KNDC1: variants seen among roughly 807,000 people sequenced by gnomAD.
KNDC1 encodes kinase non-catalytic C-lobe domain-containing protein 1.
KNDC1 carries 106 observed loss-of-function variants against 172.8 expected under a neutral mutation model. The observed-to-expected ratio is 0.61, with a 90% CI of 0.52 to 0.72. The LOEUF is 0.72. Ranked by LOEUF, KNDC1 falls within the 30% of genes least tolerant of loss-of-function variation. The pLI is 0.00. For synonymous variants in KNDC1, 1,083 were observed against 1,062.2 expected, an observed-to-expected ratio of 1.02 and a Z score of -0.38; for missense variants, 2,325 against 2,394.5, an observed-to-expected ratio of 0.97 and a Z score of 0.61.
chr10:133,219,373 G>A (rs1391589744), intron 28 of KNDC1, among the ~76,000 whole-genome samples: 1 of 152,242 alleles, frequency 6.6e-6, no homozygotes, highest in Non-Finnish European at 1.5e-5. Flanking sequence ...TGTGGCTGGG[G>A]CCTGAGCTTG....
chr10:133,167,520 C>T lies in KNDC1; in HGVS notation c.242C>T (p.Thr81Met), dbSNP rs747744251. The T allele has an allele frequency of 3.7e-6, 6 of 1,604,610 alleles. No individual in the cohort carries two copies. The highest frequency in any genetic ancestry group is 4.3e-6 in the Non-Finnish European group (5 of 1,176,200). ...GCCATCTTCCAGAGCCTGTGCATCA[C>T]GCCCGACACCCTGGCCTTCAACACC... is the stretch of plus-strand genomic sequence containing the variant. The part of the protein sequence containing the change: ...HAAIFQSLCI[T>M]PDTLAFNTSG... The change falls in exon 2 of 30, where the codon ACG (threonine) becomes ATG (methionine). Residue 81 changes from threonine (T) to methionine (M), a missense_variant. Thr to Met is a moderately conservative substitution (Grantham distance 81, BLOSUM62 -1). Transcript: ENST00000304613.
chr10:133,204,237 G>A (rs771846846), intron 17 of KNDC1, among the ~76,000 whole-genome samples: 1 of 152,190 alleles, frequency 6.6e-6, no homozygotes, highest in Non-Finnish European at 1.5e-5. Flanking sequence ...TGCCCAGCCC[G>A]GTAGGTCCTT....
rs11101634 is a variant in KNDC1 at position 133,201,697 on chromosome 10, C to T, written c.3186C>T (p.Asp1062=). 1.8e-4 allele frequency: 284 copies of T among 1,611,554 alleles called. No homozygotes were observed. In the African/African-American group the frequency reaches 3.5e-3, roughly 20 times the overall value. Reference sequence around the variant, plus strand: ...GACGGCCAGCTGGCGGGGCCTCAGACGTGGAGGCAGTGACCCGACTGGCCA... The same window carrying T: ...GACGGCCAGCTGGCGGGGCCTCAGATGTGGAGGCAGTGACCCGACTGGCCA... ...EDRRPAGGAS[D]VEAVTRLARS... is the part of the protein sequence containing the mutation. The change falls in exon 17 of 30, where the codon GAC becomes GAT. Residue 1062 remains aspartate (D), a synonymous_variant. Transcript: ENST00000304613.
intron 20 of KNDC1, 40 bp downstream of exon 20, chr10:133,207,391 G>A: frequency 6.3e-7 from 1 of 1,583,502 alleles, no homozygotes; most frequent in Non-Finnish European, 8.7e-7. Flanking sequence ...AGGAGACGTA[G>A]CCCGGGGTGC....
At chr10:133,205,407 C>T (rs1169228279) in intron 17 of KNDC1, among the ~76,000 whole-genome samples, 3 of 152,250 alleles carry the variant, frequency 2.0e-5, no homozygotes, top group East Asian at 1.9e-4. Context: ...TCCCTCATGG[C>T]GACAGCCCTG....
At chr10:133,208,619 CT>C (rs946008176) in intron 20 of KNDC1, among the ~76,000 whole-genome samples, 1 of 152,174 alleles carries the variant, frequency 6.6e-6, no homozygotes, top group African/African-American at 2.4e-5. Context: ...TGAGCTGCCC[CT>C]GGTCACATGG....
At position 133,224,862 on chromosome 10, in the gene KNDC1, T is replaced by A; in HGVS notation, c.5222T>A (p.Leu1741Gln). The A allele has an allele frequency of 1.2e-6, 2 of 1,613,842 alleles. No individual in the cohort carries two copies. The highest frequency in any genetic ancestry group is 1.7e-6 in the Non-Finnish European group (2 of 1,179,960). ...CACTCACGGAAGATTCAGGACAAGCTACGGAGGATGAAGGCTACATTCCAG... is the reference window on the plus strand; with the variant it reads ...CACTCACGGAAGATTCAGGACAAGCAACGGAGGATGAAGGCTACATTCCAG... ...EKHSRKIQDK[L>Q]RRMKATFQ is the part of the protein sequence containing the mutation. Residue 1741 changes from leucine (L) to glutamine (Q), a missense_variant, in exon 30 of 30, where the codon CTA (leucine) becomes CAA (glutamine). By Grantham distance (113) the Leu-to-Gln change is moderately radical (BLOSUM62 -2). Transcript: ENST00000304613. The surrounding 1 kb of genome is among the most constrained non-coding windows in gnomAD (Gnocchi z 5.4).
At position 133,170,306 on chromosome 10, in the gene KNDC1, G is replaced by A. The variant is rs181835385; in HGVS notation, c.360+1994G>A. Among the ~76,000 whole-genome samples the A allele has an allele frequency of 1.1e-3, 174 of 152,294 alleles. 1 individual carries two copies. Among genetic ancestry groups the A allele is most frequent in the African/African-American group, 3.6e-3 (150 of 41,568 alleles). ...CCCCCAACTGCAGGCCCGAGAACAC[G>A]GTGTGAGGATCGCTGGCTCCTGCAG... On this transcript the variant is annotated intron_variant, in intron 3 of 29. Coordinates refer to ENST00000304613, the MANE Select transcript of KNDC1 (RefSeq NM_152643.8).
At chr10:133,180,352 G>T (rs1853680166) in intron 3 of KNDC1, among the ~76,000 whole-genome samples, 2 of 152,196 alleles carry the variant, frequency 1.3e-5, no homozygotes, top group Non-Finnish European at 2.9e-5. Flanking sequence ...GCGTCCTCTG[G>T]GCTCCAAGGG....
chr10:133,220,049 T>G lies in KNDC1; in HGVS notation c.4955T>G (p.Ile1652Ser). The G allele has an allele frequency of 1.3e-6, 2 of 1,561,890 alleles. No homozygotes were observed. Among genetic ancestry groups the G allele is most frequent in the Non-Finnish European group, 1.7e-6 (2 of 1,153,092 alleles). Reference sequence around the variant, plus strand: ...TCGGCCCACCTCCTGGCCATGCACATCCAGCAGCTGGAGACAGGCGGCTTC... The same window carrying G: ...TCGGCCCACCTCCTGGCCATGCACAGCCAGCAGCTGGAGACAGGCGGCTTC... ...LPSAHLLAMH[I>S]QQLETGGFTM... The change falls in exon 29 of 30, where the codon ATC becomes AGC. Residue 1652 changes from isoleucine (I) to serine (S), a missense_variant. By Grantham distance (142) the Ile-to-Ser change is moderately radical. Coordinates refer to ENST00000304613, the MANE Select transcript of KNDC1 (RefSeq NM_152643.8).
chr10:133,214,819 C>T (rs1845442411), intron 26 of KNDC1, among the ~76,000 whole-genome samples: 1 of 152,236 alleles, frequency 6.6e-6, no homozygotes, highest in Admixed American at 6.5e-5. Context: ...TGACCTGCCC[C>T]ACCTGCTGTC....
chr10:133,198,751 C>T lies in KNDC1; in HGVS notation c.2243C>T (p.Ala748Val), dbSNP rs201175094. Residue 748 changes from alanine (A) to valine (V), a missense_variant, in exon 14 of 30, where the codon GCG becomes GTG. By Grantham distance (64) the Ala-to-Val change is moderately conservative (BLOSUM62 0). Transcript: ENST00000304613. ...GGAGCAGCCCCAGAGCCTCTTGGGG[C>T]GTCAGTGCAGCGTGACTCAGCCCAG... ...PQGAAPEPLG[A>V]SVQRDSAQGR... 31 of 1,581,936 alleles carry T rather than the reference C, an allele frequency of 2.0e-5. No individual in the cohort carries two copies. In the Admixed American group the frequency reaches 3.8e-4, roughly 19 times the overall value.
At chr10:133,184,084 A>G (rs1853807862) in intron 5 of KNDC1, 95 bp downstream of exon 5, 1 of 665,774 alleles carries the variant, frequency 1.5e-6, no homozygotes. Context: ...ACCCATGCAC[A>G]CACACACACT....
At chr10:133,219,691 G>A (rs932912810) in intron 28 of KNDC1, among the ~76,000 whole-genome samples, 1 of 152,256 alleles carries the variant, frequency 6.6e-6, no homozygotes, top group African/African-American at 2.4e-5. Flanking sequence ...AGCAAGGAAA[G>A]GGACTCACCA....
In KNDC1 at chr10:133,210,712, GCA is replaced by G; in HGVS notation, c.3898_3899del (p.Thr1300AlafsTer102). The G allele has an allele frequency of 6.2e-7, 1 of 1,612,976 alleles. No homozygotes were observed. Among genetic ancestry groups the G allele is most frequent in the Non-Finnish European group, 8.5e-7 (1 of 1,178,908 alleles). On this transcript the variant is annotated frameshift_variant, in exon 21 of 30. Transcript: ENST00000304613. LOFTEE classifies it high-confidence loss of function. ...CACTTCCTCCTCGACCGCATCAACA[GCA>G]CGCTGACCAGGTACCAAGCTCCACA...
intron 3 of KNDC1, among the ~76,000 whole-genome samples, chr10:133,176,081 G>C (rs899306532): frequency 1.3e-5 from 2 of 151,872 alleles, no homozygotes; most frequent in African/African-American, 4.8e-5. Flanking sequence ...TGGATGGATG[G>C]ATGGGTGGAT....
intron 17 of KNDC1, among the ~76,000 whole-genome samples, chr10:133,204,619 C>T (rs1854472965): frequency 6.6e-6 from 1 of 152,222 alleles, no homozygotes; most frequent in Non-Finnish European, 1.5e-5. Flanking sequence ...CATGGAACCA[C>T]CAGATAGAGC....
intron 29 of KNDC1, 55 bp downstream of exon 29, chr10:133,220,167 G>A (rs1339784465): frequency 6.9e-6 from 10 of 1,455,096 alleles, no homozygotes; most frequent in Non-Finnish European, 9.2e-6. Flanking sequence ...TCAGGCGGGC[G>A]CGCGCCCAGG....
chr10:133,220,025 C>G lies in KNDC1; in HGVS notation c.4931C>G (p.Ser1644Trp). 6.4e-7 allele frequency: 1 copy of G among 1,555,296 alleles called. No homozygotes were observed. Among genetic ancestry groups the G allele is most frequent in the Non-Finnish European group, 8.7e-7 (1 of 1,149,398 alleles). The stretch of plus-strand genomic sequence containing the variant: ...TTCCGGGCGCAGCCCACCCTGCCCT[C>G]GGCCCACCTCCTGGCCATGCACATC... The part of the protein sequence containing the change: ...RRFRAQPTLP[S>W]AHLLAMHIQQ... Residue 1644 changes from serine (S) to tryptophan (W), a missense_variant, in exon 29 of 30, where the codon TCG (serine) becomes TGG (tryptophan). By Grantham distance (177) the Ser-to-Trp change is radical. Transcript: ENST00000304613.
Sources: gnomAD v4.1 joint callset for allele counts (sites outside exome capture counted in the v4.1 genomes callset) on GRCh38, gnomAD v4.1.1 for gene constraint, Gnocchi (gnomAD v3.1) non-coding constraint, MANE v1.5 for transcripts, NCBI Gene and HGNC (gene_info 2026-07-23, HGNC 2026-07-21) for gene names.